ZC3HAV1: variants seen among roughly 807,000 people sequenced by gnomAD.
The protein encoded by ZC3HAV1 is zinc finger CCCH-type antiviral protein 1.
ZC3HAV1 carries 41 observed loss-of-function variants against 86.6 expected under a neutral mutation model. The observed-to-expected ratio is 0.47, with a 90% CI of 0.37 to 0.61. The LOEUF (loss-of-function observed/expected upper bound fraction) is 0.61, where lower values mean the gene tolerates loss of function less well. Ranked by LOEUF, ZC3HAV1 falls within the 20% of genes least tolerant of loss-of-function variation. ZC3HAV1 has a pLI of 0.00. For missense variants in ZC3HAV1, 964 were observed against 1,141.1 expected (o/e 0.84, Z 2.24); for synonymous variants, 421 against 432.1 (o/e 0.97, Z 0.32).
At chr7:139,067,616 C>T (rs1365609887) in intron 7 of ZC3HAV1, among the ~76,000 whole-genome samples, 2 of 152,100 alleles carry the variant, frequency 1.3e-5, no homozygotes, top group African/African-American at 4.8e-5. Context: ...GTACAATGTA[C>T]ATTATTCAGG....
At chr7:139,090,274 T>A (rs2130720393) in intron 1 of ZC3HAV1, among the ~76,000 whole-genome samples, 1 of 152,296 alleles carries the variant, frequency 6.6e-6, no homozygotes, top group Middle Eastern at 3.4e-3. Context: ...TTTCATATCA[T>A]TGGCTTACAC....
intron 1 of ZC3HAV1, among the ~76,000 whole-genome samples, chr7:139,104,357 G>A (rs1424570651): frequency 6.6e-6 from 1 of 152,152 alleles, no homozygotes; most frequent in Non-Finnish European, 1.5e-5. Context: ...CAGAAATCAT[G>A]CAGGCAAAAT....
chr7:139,108,119 A>C lies in ZC3HAV1; in HGVS notation c.308+905T>G, dbSNP rs1817989086. 6.6e-6 allele frequency among the ~76,000 whole-genome samples: 1 copy of C among 152,100 alleles called. No homozygotes were observed. The highest frequency in any genetic ancestry group is 1.5e-5 in the Non-Finnish European group (1 of 68,014). On this transcript the variant is annotated intron_variant, in intron 1 of 12. Coordinates refer to ENST00000242351, the MANE Select transcript of ZC3HAV1 (RefSeq NM_020119.4). This position sits in a 1 kb window ranked among gnomAD's most constrained non-coding sequence, Gnocchi z 4.2. ...CGCGGGAGAGGAAGGGCTTGGGATC[A>C]AGGGAAAGGCCTGGGCAGCGAATGT...
At chr7:139,086,299 A>G (rs1337514835) in intron 2 of ZC3HAV1, among the ~76,000 whole-genome samples, 1 of 152,194 alleles carries the variant, frequency 6.6e-6, no homozygotes, top group Non-Finnish European at 1.5e-5. Context: ...TAGTTCAGGA[A>G]ATAATGCAGT....
intron 1 of ZC3HAV1, among the ~76,000 whole-genome samples, chr7:139,094,255 C>T (rs1390263667): frequency 1.3e-5 from 2 of 152,114 alleles, no homozygotes; most frequent in African/African-American, 4.8e-5. Context: ...GTCTAACAAT[C>T]TGGTTTTACG....
Position 139,078,567 on chromosome 7 carries a change from C to A in ZC3HAV1, c.1558G>T (p.Gly520Cys), listed in dbSNP as rs565550945. The change falls in exon 5 of 13, where the codon GGT (glycine) becomes TGT (cysteine). Residue 520 changes from glycine (G) to cysteine (C), a missense_variant. By Grantham distance (159) the Gly-to-Cys change is radical. Transcript: ENST00000242351. ...GGTTACTCACCATTAAGCGGACAAC[C>A]CTTACACAGATGGTCAAGACAAATT... ...EEICLDHLCKGCPLNGSCSKV... is the reference protein window; with the variant it reads ...EEICLDHLCKCCPLNGSCSKV... 2.5e-6 allele frequency: 4 copies of A among 1,594,930 alleles called. No homozygotes were observed. The highest frequency in any genetic ancestry group is 4.5e-5 in the East Asian group (2 of 44,296).
At chr7:139,053,353 TG>T in intron 12 of ZC3HAV1, 97 bp downstream of exon 12, 1 of 1,388,484 alleles carries the variant, frequency 7.2e-7, no homozygotes, top group Non-Finnish European at 9.5e-7. Context: ...CTGGACACTC[TG>T]GTTAATACAA....
chr7:139,084,698 G>A (rs1817227039), intron 2 of ZC3HAV1, among the ~76,000 whole-genome samples: 1 of 152,210 alleles, frequency 6.6e-6, no homozygotes. Flanking sequence ...TGCTGTAACA[G>A]GAGGAAAAGA....
chr7:139,053,342 C>G, intron 12 of ZC3HAV1, 109 bp downstream of exon 12: 1 of 1,341,248 alleles, frequency 7.5e-7, no homozygotes, highest in Non-Finnish European at 9.9e-7. Flanking sequence ...ACCACTAGAG[C>G]CTGGACACTC....
chr7:139,109,194 G>A lies in ZC3HAV1; in HGVS notation c.138C>T (p.Pro46=). The part of the protein sequence containing the change: ...QLCEVLQVAG[P]DRFVVLETGG... ...CGGTCTCCAACACCACAAAGCGGTC[G>A]GGCCCGGCCACCTGCAGCACCTCAC... Residue 46 remains proline, a synonymous_variant, in exon 1 of 13, where the codon CCC becomes CCT. Transcript: ENST00000242351. 1.2e-6 allele frequency: 2 copies of A among 1,606,458 alleles called. No homozygotes were observed. The highest frequency in any genetic ancestry group is 1.7e-6 in the Non-Finnish European group (2 of 1,176,726).
chr7:139,062,871 T>C lies in ZC3HAV1; in HGVS notation c.1994-1733A>G, dbSNP rs568654087. ...AGTGAAACCCCATCTCTACTAAAAA[T>C]ACAAAAAATTAACCAGGTGTGGTAG... On this transcript the variant is annotated intron_variant, in intron 8 of 12. Transcript: ENST00000242351. Among the ~76,000 whole-genome samples the C allele has an allele frequency of 4.4e-4, 67 of 151,234 alleles. 1 individual carries two copies. Among genetic ancestry groups the C allele is most frequent in the African/African-American group, 1.3e-3 (55 of 41,232 alleles).
At chr7:139,078,840 T>G (rs1194397411) in intron 4 of ZC3HAV1, among the ~76,000 whole-genome samples, 187 bp from the exon 5 acceptor site, 2 of 152,082 alleles carry the variant, frequency 1.3e-5, no homozygotes, top group African/African-American at 4.8e-5. Flanking sequence ...GACCTCAGAG[T>G]CCTGTGAAAG....
At chr7:139,078,787 G>C (rs953852306) in intron 4 of ZC3HAV1, 134 bp from the exon 5 acceptor site, 8 of 760,870 alleles carry the variant, frequency 1.1e-5, no homozygotes, top group African/African-American at 1.8e-5. Context: ...TTTATGTTTT[G>C]CCCATGAGCA....
chr7:139,047,891 A>G (rs1816007684), intron 12 of ZC3HAV1, 38 bp from the exon 13 acceptor site: 2 of 1,587,022 alleles, frequency 1.3e-6, no homozygotes, highest in South Asian at 1.1e-5. Flanking sequence ...GAAATATTAT[A>G]AAAGAAGGTA....
At chr7:139,058,773 A>G (rs189411741) in intron 9 of ZC3HAV1, among the ~76,000 whole-genome samples, 3 of 152,300 alleles carry the variant, frequency 2.0e-5, no homozygotes, top group African/African-American at 7.2e-5. Flanking sequence ...CAACTCTGAC[A>G]TATGGAAGTT....
rs10547164 is a variant in ZC3HAV1, at chr7:139,062,227, C to CCACACA, written c.1994-1095_1994-1090dup. The stretch of plus-strand genomic sequence containing the variant: ...TCTTAAAATATGAAACAAACATAAA[C>CCACACA]CACACACACACACACACACACACAA... On this transcript the variant is annotated intron_variant, in intron 8 of 12. Transcript: ENST00000242351. Among the ~76,000 whole-genome samples the CCACACA allele has an allele frequency of 4.0e-5, 6 of 148,904 alleles. No homozygotes were observed. The East Asian group carries it at 5.9e-4, about 15-fold the overall frequency.
Position 139,108,160 on chromosome 7 carries a change from C to G in ZC3HAV1, c.308+864G>C, listed in dbSNP as rs1182294802. Among the ~76,000 whole-genome samples, 1 of 151,774 alleles carries G rather than the reference C, an allele frequency of 6.6e-6. No individual in the cohort carries two copies. The highest frequency in any genetic ancestry group is 2.4e-5 in the African/African-American group (1 of 41,300). On this transcript the variant is annotated intron_variant, in intron 1 of 12. Coordinates refer to ENST00000242351, the MANE Select transcript of ZC3HAV1 (RefSeq NM_020119.4). The surrounding 1 kb of genome is among the most constrained non-coding windows in gnomAD (Gnocchi z 4.2). ...CAGCGAATGTGGACCTGGAAGCCATCTTTTTAGATGTGCAGCTGTCCTCGA... is the reference window on the plus strand; with the variant it reads ...CAGCGAATGTGGACCTGGAAGCCATGTTTTTAGATGTGCAGCTGTCCTCGA...
intron 1 of ZC3HAV1, among the ~76,000 whole-genome samples, chr7:139,102,649 T>A (rs1426769225): frequency 6.6e-6 from 1 of 151,664 alleles, no homozygotes; most frequent in Admixed American, 6.6e-5. Flanking sequence ...CCCAGCAGTT[T>A]GGGAGGCTGA....
chr7:139,061,390 T>C (rs1010016593), intron 8 of ZC3HAV1, among the ~76,000 whole-genome samples: 3 of 152,206 alleles, frequency 2.0e-5, no homozygotes, highest in Non-Finnish European at 2.9e-5. Context: ...TAAATCCAAG[T>C]TGGATGGTAA....
Sources: allele counts gnomAD v4.1 joint callset (sites outside exome capture counted in the v4.1 genomes callset), GRCh38; gene constraint gnomAD v4.1.1; non-coding constraint Gnocchi (gnomAD v3.1); transcripts MANE v1.5; gene names NCBI Gene and HGNC (gene_info 2026-07-23, HGNC 2026-07-21).